CDH17: variants seen among roughly 807,000 people sequenced by gnomAD.
CDH17 encodes the protein cadherin 17.
In CDH17, 67 loss-of-function variants were observed where a neutral mutation model predicts 86.3. The ratio of observed to expected loss-of-function variants is 0.78; its 90% CI spans 0.64 to 0.95. The LOEUF (loss-of-function observed/expected upper bound fraction) is 0.95, where lower values mean the gene tolerates loss of function less well. CDH17 is among the 40% of genes least tolerant of loss of function. CDH17 has a pLI of 0.00. For synonymous variants in CDH17, 367 were observed against 366.4 expected, an observed-to-expected ratio of 1.00 and a Z score of -0.02; for missense variants, 993 against 1,017.6, an observed-to-expected ratio of 0.98 and a Z score of 0.33.
chr8:94,130,564 G>T, intron 17 of CDH17, 62 bp downstream of exon 17: 1 of 1,140,034 alleles, frequency 8.8e-7, no homozygotes, highest in Non-Finnish European at 1.3e-6. Context: ...GACAGGCCCT[G>T]AGATGAGCTC....
chr8:94,199,054 TA>T (rs1426329067), intron 1 of CDH17, among the ~76,000 whole-genome samples: 13 of 22,440 alleles, frequency 5.8e-4, no homozygotes, highest in African/African-American at 2.8e-3. Context: ...TATATATATA[TA>T]TATATATATA....
At chr8:94,153,367 A>G (rs1005463038) in intron 12 of CDH17, among the ~76,000 whole-genome samples, 1 of 152,194 alleles carries the variant, frequency 6.6e-6, no homozygotes, top group Non-Finnish European at 1.5e-5. Flanking sequence ...AAAAACAAAC[A>G]TTGGTGAGGA....
intron 7 of CDH17, among the ~76,000 whole-genome samples, chr8:94,172,056 C>T (rs1813281048): frequency 7.3e-6 from 1 of 136,914 alleles, no homozygotes; most frequent in Non-Finnish European, 1.6e-5. Context: ...CTCTCTTTCT[C>T]CCTCTCTCCT....
chr8:94,204,800 T>A lies in CDH17; in HGVS notation c.-21+3683A>T, dbSNP rs549755355. On this transcript the variant is annotated intron_variant, in intron 1 of 17. Coordinates refer to ENST00000027335, the MANE Select transcript of CDH17 (RefSeq NM_004063.4). ...TCCCCAAGACAGAGCAAGGGAAGGA[T>A]CAGCTGGGGAGAAGAGGCCTCTCCT... Among the ~76,000 whole-genome samples the A allele has an allele frequency of 3.3e-5, 5 of 152,216 alleles. No individual in the cohort carries two copies. The South Asian group carries it at 1.0e-3, about 32-fold the overall frequency.
At chr8:94,210,272 C>CCTG (rs1171216118), upstream of CDH17, among the ~76,000 whole-genome samples, 1 of 140,780 alleles carries the variant, frequency 7.1e-6, no homozygotes, top group African/African-American at 2.6e-5. Context: ...GGCAGAAATC[C>CCTG]CTGCATGAGC....
chr8:94,196,149 T>G (rs1436525114), intron 1 of CDH17, among the ~76,000 whole-genome samples: 6 of 152,240 alleles, frequency 3.9e-5, no homozygotes, highest in Non-Finnish European at 8.8e-5. Context: ...TTGGTTTACT[T>G]CATCATCTTA....
intron 3 of CDH17, among the ~76,000 whole-genome samples, chr8:94,180,955 A>C (rs1385872372): frequency 4.0e-5 from 6 of 151,838 alleles, no homozygotes; most frequent in Non-Finnish European, 8.8e-5. Context: ...AAAAAAAAAA[A>C]AAAAACAAAG....
At chr8:94,160,641 G>A (rs951312344) in intron 11 of CDH17, among the ~76,000 whole-genome samples, 2 of 152,194 alleles carry the variant, frequency 1.3e-5, no homozygotes, top group African/African-American at 2.4e-5. Flanking sequence ...CTTGAAGCAA[G>A]TTACTTCACT....
At chr8:94,188,322 GT>G (rs1813621339) in intron 3 of CDH17, among the ~76,000 whole-genome samples, 1 of 151,644 alleles carries the variant, frequency 6.6e-6, no homozygotes, top group Non-Finnish European at 1.5e-5. Context: ...TTGATTCTTT[GT>G]TGGTTGAATT....
At chr8:94,134,883 A>G (rs145708382) in intron 15 of CDH17, among the ~76,000 whole-genome samples, 1,959 of 152,230 alleles carry the variant, frequency 0.013, 40 homozygotes, top group African/African-American at 0.042. Context: ...TGGTTTCAAA[A>G]AACATCTTTA....
chr8:94,153,072 C>T (rs998481524), intron 12 of CDH17, among the ~76,000 whole-genome samples: 1 of 152,134 alleles, frequency 6.6e-6, no homozygotes, highest in Non-Finnish European at 1.5e-5. Flanking sequence ...GCAAAGGAAA[C>T]AGTGAAGCAG....
intron 10 of CDH17, 22 bp from the exon 11 acceptor site, chr8:94,162,184 C>T: frequency 6.7e-7 from 1 of 1,502,372 alleles, no homozygotes; most frequent in Non-Finnish European, 9.2e-7. Context: ...AGTCATATGT[C>T]ATAGAAATTT....
At chr8:94,131,180 T>G (rs1409992752) in intron 15 of CDH17, among the ~76,000 whole-genome samples, 188 bp from the exon 16 acceptor site, 1 of 152,188 alleles carries the variant, frequency 6.6e-6, no homozygotes, top group African/African-American at 2.4e-5. Context: ...AAAGCATCCT[T>G]TAAGTTCTTA....
intron 12 of CDH17, among the ~76,000 whole-genome samples, chr8:94,152,816 C>T (rs1020837377): frequency 8.5e-5 from 13 of 152,108 alleles, no homozygotes; most frequent in African/African-American, 2.7e-4. Flanking sequence ...AACCATCTCA[C>T]GAGATAGAGG....
intron 1 of CDH17, among the ~76,000 whole-genome samples, chr8:94,207,550 T>C (rs1814053704): frequency 6.6e-6 from 1 of 152,218 alleles, no homozygotes; most frequent in Non-Finnish European, 1.5e-5. Flanking sequence ...CTCGCTTTGT[T>C]TCCTGGTGAG....
intron 1 of CDH17, among the ~76,000 whole-genome samples, chr8:94,198,791 T>C (rs563710333): frequency 6.6e-6 from 1 of 152,282 alleles, no homozygotes; most frequent in East Asian, 1.9e-4. Context: ...ATTTGCTTAA[T>C]GAGGTTGGAT....
chr8:94,213,262 A>G (rs188201670), upstream of CDH17, among the ~76,000 whole-genome samples: 392 of 152,320 alleles, frequency 2.6e-3, 1 homozygote, highest in Non-Finnish European at 3.4e-3. Flanking sequence ...GTGAGCCACC[A>G]TGCCTGGCTG....
rs951526174 is a variant in CDH17, at chr8:94,148,430, T to C, written c.1927+314A>G. Among the ~76,000 whole-genome samples, 5 of 150,758 alleles carry C rather than the reference T, an allele frequency of 3.3e-5. No individual in the cohort carries two copies. The East Asian group carries it at 7.8e-4, about 23-fold the overall frequency. On this transcript the variant is annotated intron_variant, in intron 14 of 17. Coordinates refer to ENST00000027335, the MANE Select transcript of CDH17 (RefSeq NM_004063.4). ...GGTGGTGGGTGCCTGTAATCCCAGCTACTCGGAAGGCTGAGGTAGGAGAAT... is the reference window on the plus strand; with the variant it reads ...GGTGGTGGGTGCCTGTAATCCCAGCCACTCGGAAGGCTGAGGTAGGAGAAT...
At chr8:94,211,748 C>A (rs1261226038), upstream of CDH17, among the ~76,000 whole-genome samples, 2 of 152,220 alleles carry the variant, frequency 1.3e-5, no homozygotes, top group Non-Finnish European at 2.9e-5. Context: ...CATCAACACA[C>A]AACCCTCACC....
Sources: gnomAD v4.1 joint callset for allele counts (sites outside exome capture counted in the v4.1 genomes callset) on GRCh38, gnomAD v4.1.1 for gene constraint, MANE v1.5 for transcripts, NCBI Gene and HGNC (gene_info 2026-07-23, HGNC 2026-07-21) for gene names.